Variants in BASP1 observed in about 807,000 individuals in gnomAD.
BASP1 encodes the protein brain acid soluble protein 1.
In BASP1, 1 loss-of-function variant was observed where a neutral mutation model predicts 2.2. The ratio of observed to expected loss-of-function variants is 0.46; its 90% CI spans 0.16 to 2.17. The LOEUF is 2.17. BASP1 is among the 30% of genes most tolerant of loss of function. The probability of loss-of-function intolerance (pLI) is 0.27; values close to 1 mark genes in which losing one functional copy is unlikely to be tolerated. For synonymous variants in BASP1, 187 were observed against 154.2 expected (o/e 1.21, Z -1.58); for missense variants, 352 against 327.2 (o/e 1.08, Z -0.58).
In BASP1 at chr5:17,275,101, T is replaced by C. The variant is rs954443429; in HGVS notation, c.-9-107T>C. The C allele has an allele frequency of 6.4e-6, 6 of 941,484 alleles. No individual in the cohort carries two copies. The East Asian group carries it at 1.5e-4, about 23-fold the overall frequency. The allele number at this position is 941,484 out of a possible 1,614,324, so 58.3% of individuals were successfully genotyped here. A position where few individuals can be genotyped will look rare whatever the true frequency, so the allele number is the denominator to read the frequency against. ...TTTACCATGCCACCCCTTTGGGGTG[T>C]GCAGTGCAGCAGGCCCAGAACCCCT... On this transcript the variant is annotated intron_variant, in intron 1 of 1. Coordinates refer to ENST00000322611, the MANE Select transcript of BASP1 (RefSeq NM_006317.5). The surrounding 1 kb of genome is among the most constrained non-coding windows in gnomAD (Gnocchi z 5.3).
rs138157136 is a variant in BASP1, at chr5:17,236,160, C to T, written c.-10+18350C>T. 9.4e-3 allele frequency among the ~76,000 whole-genome samples: 1,434 copies of T among 152,300 alleles called. 24 individuals are homozygous for T. The highest frequency in any genetic ancestry group is 0.033 in the African/African-American group (1,357 of 41,552). ...CCACCCTTGCGTTTAGTCTTTAAGA[C>T]TATTCTACCTTGGGGGAGAAAAGCA... On this transcript the variant is annotated intron_variant, in intron 1 of 1. Transcript: ENST00000322611. The surrounding 1 kb of genome is among the most constrained non-coding windows in gnomAD (Gnocchi z 4.0).
chr5:17,241,483 C>T (rs1006628430), intron 1 of BASP1, among the ~76,000 whole-genome samples: 2 of 152,138 alleles, frequency 1.3e-5, no homozygotes, highest in African/African-American at 2.4e-5. Flanking sequence ...AACTGTGGCA[C>T]AGAGAAATTA....
intron 1 of BASP1, among the ~76,000 whole-genome samples, chr5:17,235,483 C>T (rs547162164): frequency 1.3e-5 from 2 of 152,114 alleles, no homozygotes; most frequent in South Asian, 2.1e-4. Context: ...AGGATGGTCT[C>T]GATCTCATGA....
At chr5:17,230,380 G>T (rs1739606931) in intron 1 of BASP1, among the ~76,000 whole-genome samples, 1 of 152,016 alleles carries the variant, frequency 6.6e-6, no homozygotes, top group South Asian at 2.1e-4. Context: ...GGAAAGGGAA[G>T]TGTGTGTCGG....
rs927222145 is a variant in BASP1, at chr5:17,275,405, G to A, written c.189G>A (p.Glu63=). The change falls in exon 2 of 2, where the codon GAG becomes GAA. Residue 63 remains glutamate (E), a synonymous_variant. Coordinates refer to ENST00000322611, the MANE Select transcript of BASP1 (RefSeq NM_006317.5). The surrounding 1 kb of genome is among the most constrained non-coding windows in gnomAD (Gnocchi z 5.3). ...EGKEKPDQDA[E]GKAEEKEGEK... is the part of the protein sequence containing the mutation. ...AGGAGAAGCCCGACCAGGACGCCGA[G>A]GGCAAGGCCGAGGAGAAGGAGGGCG... 2 of 1,569,054 alleles carry A rather than the reference G, an allele frequency of 1.3e-6. No individual in the cohort carries two copies. The highest frequency in any genetic ancestry group is 1.4e-5 in the African/African-American group (1 of 73,328).
chr5:17,241,984 C>T (rs1267434906), intron 1 of BASP1, among the ~76,000 whole-genome samples: 2 of 152,240 alleles, frequency 1.3e-5, no homozygotes, highest in Non-Finnish European at 2.9e-5. Flanking sequence ...CTACAAAATG[C>T]GAGTGTCCCA....
chr5:17,237,268 C>T (rs991903949), intron 1 of BASP1, among the ~76,000 whole-genome samples: 1 of 151,946 alleles, frequency 6.6e-6, no homozygotes, highest in Admixed American at 6.6e-5. Context: ...GGCGTGAACC[C>T]GGGAGGCGGA....
At chr5:17,270,433 T>C (rs1388958094) in intron 1 of BASP1, among the ~76,000 whole-genome samples, 1 of 152,236 alleles carries the variant, frequency 6.6e-6, no homozygotes, top group Non-Finnish European at 1.5e-5. Flanking sequence ...TTAAAAAGAC[T>C]GAAAACCTCT....
intron 1 of BASP1, among the ~76,000 whole-genome samples, chr5:17,240,878 G>T (rs757556623): frequency 1.4e-4 from 21 of 152,158 alleles, no homozygotes; most frequent in Non-Finnish European, 2.5e-4. Flanking sequence ...TAAAACTCTT[G>T]TGATTTTGAT....
intron 1 of BASP1, among the ~76,000 whole-genome samples, chr5:17,225,225 C>A (rs1428103937): frequency 2.6e-5 from 4 of 151,818 alleles, no homozygotes; most frequent in Non-Finnish European, 1.5e-5. Context: ...CTGTCTGCAA[C>A]GTAAAACTTT....
intron 1 of BASP1, among the ~76,000 whole-genome samples, chr5:17,253,413 A>G (rs553857245): frequency 1.3e-5 from 2 of 152,016 alleles, no homozygotes; most frequent in African/African-American, 2.4e-5. Flanking sequence ...GGGTCTCACT[A>G]TGTTTCCCAG....
intron 1 of BASP1, among the ~76,000 whole-genome samples, chr5:17,246,745 A>G (rs879570602): frequency 6.6e-6 from 1 of 152,172 alleles, no homozygotes; most frequent in Non-Finnish European, 1.5e-5. Context: ...CTAATTGCCC[A>G]TTTTCCCAAT....
upstream of BASP1, chr5:17,217,093 A>AGT (rs1191155362): frequency 5.0e-5 from 7 of 139,468 alleles, no homozygotes; most frequent in African/African-American, 1.4e-4. Flanking sequence ...AGAGAGAGAG[A>AGT]GAGTGAGTGA....
At chr5:17,244,601 G>C (rs1357928854) in intron 1 of BASP1, among the ~76,000 whole-genome samples, 4 of 152,098 alleles carry the variant, frequency 2.6e-5, no homozygotes, top group Non-Finnish European at 1.5e-5. Flanking sequence ...TCAGACTTAA[G>C]AGTTCTGTTT....
At chr5:17,263,643 T>A (rs534663980) in intron 1 of BASP1, among the ~76,000 whole-genome samples, 15 of 152,240 alleles carry the variant, frequency 9.9e-5, no homozygotes, top group Non-Finnish European at 1.9e-4. Context: ...ACTTTCTGAC[T>A]TTGTAGATCC....
Position 17,217,985 on chromosome 5 carries a change from C to T in BASP1, c.-10+175C>T, listed in dbSNP as rs1220005089. Among the ~76,000 whole-genome samples the T allele has an allele frequency of 3.3e-5, 5 of 151,988 alleles. No homozygotes were observed. The East Asian group carries it at 7.9e-4, about 24-fold the overall frequency. On this transcript the variant is annotated intron_variant, in intron 1 of 1. Coordinates refer to ENST00000322611, the MANE Select transcript of BASP1 (RefSeq NM_006317.5). ...GGGTCCCTCTGTGAGGGCTCCGTCG[C>T]ACTTCGGGGATCCCGGGTGATGGGG... is the stretch of plus-strand genomic sequence containing the variant.
intron 1 of BASP1, among the ~76,000 whole-genome samples, chr5:17,227,432 C>T (rs959310169): frequency 6.7e-6 from 1 of 148,432 alleles, no homozygotes; most frequent in Non-Finnish European, 1.5e-5. Context: ...GACAGAGTCT[C>T]GCCGTGTCGC....
chr5:17,275,198 T>C lies in BASP1; in HGVS notation c.-9-10T>C, dbSNP rs781312905. The C allele has an allele frequency of 6.2e-7, 1 of 1,612,260 alleles. No homozygotes were observed. ...ACCGCCGTTTTGTTTTGTTTTGTGTTTGCTTCCAGAACTCCAAGATGGGAG... is the reference window on the plus strand; with the variant it reads ...ACCGCCGTTTTGTTTTGTTTTGTGTCTGCTTCCAGAACTCCAAGATGGGAG... On this transcript the variant is annotated splice_polypyrimidine_tract_variant and intron_variant, in intron 1 of 1. Transcript: ENST00000322611. The surrounding 1 kb of genome is among the most constrained non-coding windows in gnomAD (Gnocchi z 5.3).
rs924458898 is a variant in BASP1, at chr5:17,260,475, G to A, written c.-9-14733G>A. On this transcript the variant is annotated intron_variant, in intron 1 of 1. Coordinates refer to ENST00000322611, the MANE Select transcript of BASP1 (RefSeq NM_006317.5). This position sits in a 1 kb window ranked among gnomAD's most constrained non-coding sequence, Gnocchi z 4.2. ...TCATTGTAGTGATTTCTGCATTCTG[G>A]TCTTTAATTATGTGCTGAGTCCCGG... Among the ~76,000 whole-genome samples the A allele has an allele frequency of 3.3e-5, 5 of 152,168 alleles. No individual in the cohort carries two copies. Among genetic ancestry groups the A allele is most frequent in the African/African-American group, 1.2e-4 (5 of 41,436 alleles).
Sources: gnomAD v4.1 joint callset for allele counts (sites outside exome capture counted in the v4.1 genomes callset) on GRCh38, gnomAD v4.1.1 for gene constraint, Gnocchi (gnomAD v3.1) non-coding constraint, MANE v1.5 for transcripts, NCBI Gene and HGNC (gene_info 2026-07-23, HGNC 2026-07-21) for gene names.